CIROZ: variants seen among roughly 807,000 people sequenced by gnomAD.
CIROZ encodes ciliated left-right organizer ZP-N domains-containing protein.
At chr1:10,958,927 G>A in the CIROZ span, among the ~76,000 whole-genome samples, 3 of 152,072 alleles carry the variant, frequency 2.0e-5, no homozygotes, top group African/African-American at 7.2e-5. Context: ...TCTGGGACTC[G>A]AGTGTCAACA....
the CIROZ span, among the ~76,000 whole-genome samples, chr1:10,969,448 C>A: frequency 4.6e-5 from 7 of 152,194 alleles, no homozygotes; most frequent in African/African-American, 1.2e-4. Flanking sequence ...CGCTCTTCCC[C>A]CACCAAGCAT....
the CIROZ span, among the ~76,000 whole-genome samples, chr1:10,956,477 C>CTTT: frequency 1.4e-5 from 2 of 139,720 alleles, no homozygotes; most frequent in Admixed American, 7.3e-5. Flanking sequence ...GATGATTTTA[C>CTTT]TTTTTTTTTT....
chr1:10,960,922 G>T, the CIROZ span, among the ~76,000 whole-genome samples: 1 of 151,984 alleles, frequency 6.6e-6, no homozygotes, highest in Non-Finnish European at 1.5e-5. This position sits in a 1 kb window ranked among gnomAD's most constrained non-coding sequence, Gnocchi z 4.6. Context: ...GGCTGGAGGG[G>T]AGGCGGGGGC....
At chr1:10,951,745 A>AAAAAAAAAAAAAAAAATATATATATAT in the CIROZ span, among the ~76,000 whole-genome samples, 1 of 119,182 alleles carries the variant, frequency 8.4e-6, no homozygotes, top group African/African-American at 3.6e-5. Context: ...AAAAAAAAAA[A>AAAAAAAAAAAAAAAAATATATATATAT]ATATATATAT....
At chr1:10,949,854 A>T in the CIROZ span, 1 of 1,489,556 alleles carries the variant, frequency 6.7e-7, no homozygotes, top group Non-Finnish European at 9.0e-7. Context: ...CCTCCTAAGG[A>T]AGCAAAATCC....
At chr1:10,948,423 A>G in the CIROZ span, 7 of 1,613,318 alleles carry the variant, frequency 4.3e-6, no homozygotes, top group South Asian at 7.7e-5. Flanking sequence ...AGGTGCAGCC[A>G]CATCCCCGCT....
the CIROZ span, among the ~76,000 whole-genome samples, chr1:10,975,868 C>T: frequency 5.5e-5 from 8 of 146,224 alleles, 1 homozygote; most frequent in Non-Finnish European, 1.2e-4. Flanking sequence ...ACAGGCCCGG[C>T]ACACGACACA....
chr1:10,948,244 C>T, the CIROZ span: 1 of 1,613,854 alleles, frequency 6.2e-7, no homozygotes, highest in African/African-American at 1.3e-5. Context: ...CTGGGGAGAC[C>T]AGGCCCTGTC....
chr1:10,976,254 GCCC>G, the CIROZ span: 1 of 1,535,580 alleles, frequency 6.5e-7, no homozygotes, highest in East Asian at 2.4e-5. Flanking sequence ...AAGCCAGACG[GCCC>G]TGCGGGAGAG....
the CIROZ span, among the ~76,000 whole-genome samples, chr1:10,977,336 C>A: frequency 1.3e-5 from 2 of 152,000 alleles, no homozygotes; most frequent in Non-Finnish European, 2.9e-5. Context: ...TACAAAAATT[C>A]CCCGGGCGTG....
At chr1:10,966,126 C>A in the CIROZ span, among the ~76,000 whole-genome samples, 1 of 152,102 alleles carries the variant, frequency 6.6e-6, no homozygotes, top group Admixed American at 6.6e-5. Flanking sequence ...GTCTACTGCA[C>A]AGAGAAGGGG....
At chr1:10,973,956 A>ACCCCCC in the CIROZ span, among the ~76,000 whole-genome samples, 1 of 134,232 alleles carries the variant, frequency 7.4e-6, no homozygotes, top group African/African-American at 2.6e-5. Context: ...CCCAGGAAGG[A>ACCCCCC]CCCCCCCCAC....
the CIROZ span, among the ~76,000 whole-genome samples, chr1:10,954,799 C>A: frequency 6.6e-6 from 1 of 152,172 alleles, no homozygotes; most frequent in Non-Finnish European, 1.5e-5. Context: ...CACTATGTTT[C>A]CCAGGCTGGT....
At chr1:10,976,385 G>T in the CIROZ span, 1 of 657,116 alleles carries the variant, frequency 1.5e-6, no homozygotes, top group Non-Finnish European at 2.6e-6. Flanking sequence ...ACCCTGGCTG[G>T]AGTGCAGTGG....
chr1:10,979,139 G>A, the CIROZ span, among the ~76,000 whole-genome samples: 43 of 152,142 alleles, frequency 2.8e-4, no homozygotes, highest in Middle Eastern at 3.4e-3. Flanking sequence ...TTACAGGCGT[G>A]TGCCACCACG....
chr1:10,958,009 G>A, the CIROZ span, among the ~76,000 whole-genome samples: 5 of 152,194 alleles, frequency 3.3e-5, no homozygotes, highest in Admixed American at 2.0e-4. Flanking sequence ...CTGAAAGAAC[G>A]AACACACAGT....
At chr1:10,970,176 G>T in the CIROZ span, 8 of 1,179,474 alleles carry the variant, frequency 6.8e-6, no homozygotes, top group African/African-American at 1.6e-5. Context: ...AAGGAAGGAA[G>T]GAAAAGAAGG....
the CIROZ span, chr1:10,957,838 C>T: frequency 1.4e-6 from 2 of 1,462,212 alleles, no homozygotes; most frequent in Middle Eastern, 1.8e-4. Flanking sequence ...CTTGAAGGGT[C>T]ACCTAGGAAG....
At chr1:10,965,976 A>G in the CIROZ span, among the ~76,000 whole-genome samples, 1 of 152,214 alleles carries the variant, frequency 6.6e-6, no homozygotes, top group Non-Finnish European at 1.5e-5. Flanking sequence ...TTCATTCAGC[A>G]CTTACTGAGT....
Sources: gnomAD v4.1 joint callset for allele counts (sites outside exome capture counted in the v4.1 genomes callset) on GRCh38, gnomAD v4.1.1 for gene constraint, Gnocchi (gnomAD v3.1) non-coding constraint, MANE v1.5 for transcripts, NCBI Gene and HGNC (gene_info 2026-07-23, HGNC 2026-07-21) for gene names.